SHLD2: variants seen among roughly 807,000 people sequenced by gnomAD.
SHLD2 encodes shieldin complex subunit 2.
Under a neutral mutation model 73.2 loss-of-function variants are expected in SHLD2, and 30 were observed. The ratio of observed to expected loss-of-function variants is 0.41; its 90% confidence interval spans 0.31 to 0.56. The LOEUF (loss-of-function observed/expected upper bound fraction) is 0.56, where lower values mean the gene tolerates loss of function less well. SHLD2 is among the 20% of genes least tolerant of loss of function. The probability of loss-of-function intolerance (pLI) is 0.28; values close to 1 mark genes in which losing one functional copy is unlikely to be tolerated. For synonymous variants in SHLD2, 285 were observed against 370.1 expected (o/e 0.77, Z 2.64); for missense variants, 745 against 1,055.9 (o/e 0.71, Z 4.08).
At chr10:87,188,999 CTTCT>C (rs1457516282) in intron 9 of SHLD2, among the ~76,000 whole-genome samples, 1 of 112,476 alleles carries the variant, frequency 8.9e-6, no homozygotes, top group Non-Finnish European at 1.7e-5. Flanking sequence ...AGTGTAATCT[CTTCT>C]TTTTTTTTTT....
chr10:87,104,375 C>A (rs1842462755), intron 2 of SHLD2, among the ~76,000 whole-genome samples: 1 of 151,730 alleles, frequency 6.6e-6, no homozygotes, highest in Non-Finnish European at 1.5e-5. Flanking sequence ...TGGTGAAACC[C>A]CATCTCTACA....
intron 8 of SHLD2, among the ~76,000 whole-genome samples, chr10:87,182,753 G>T (rs1336878566): frequency 2.6e-5 from 4 of 151,940 alleles, no homozygotes; most frequent in African/African-American, 9.7e-5. Flanking sequence ...GTAGGCTGGG[G>T]CTGCAGTCAT....
In SHLD2 at chr10:87,190,972, G is replaced by C. The variant is rs1849029953; in HGVS notation, c.*289G>C. ...TTAAAGGTTTGCCCATTTGTTCACT[G>C]TATTTAGTCCCTGCTACATTCCAGG... On this transcript the variant is annotated 3_prime_UTR_variant, in exon 10 of 10. Coordinates refer to ENST00000298786, the MANE Select transcript of SHLD2 (RefSeq NM_001330112.2). 4.4e-5 allele frequency: 19 copies of C among 435,776 alleles called. No individual in the cohort carries two copies. The South Asian group carries it at 4.4e-4, about 10-fold the overall frequency. 27.0% of individuals were successfully genotyped at this position (435,776 alleles called of 1,614,324 possible).
chr10:87,127,525 A>ATCCCTCCCCCCTC (rs1844095323), intron 2 of SHLD2, among the ~76,000 whole-genome samples: 1 of 29,002 alleles, frequency 3.4e-5, no homozygotes, highest in African/African-American at 2.4e-4. Context: ...TGTCCCTCTT[A>ATCCCTCCCCCCTC]CCCGCCCCCC....
chr10:87,168,061 C>T (rs893590433), intron 4 of SHLD2, among the ~76,000 whole-genome samples: 9 of 152,170 alleles, frequency 5.9e-5, no homozygotes, highest in Non-Finnish European at 1.2e-4. Flanking sequence ...CTGTTGAAAA[C>T]AGTTTGGGGT....
chr10:87,148,781 A>T (rs966170432), intron 2 of SHLD2, among the ~76,000 whole-genome samples: 1 of 152,160 alleles, frequency 6.6e-6, no homozygotes, highest in Non-Finnish European at 1.5e-5. Context: ...ACTAAAGGGA[A>T]GAAACCATTG....
chr10:87,188,040 A>T (rs1848727803), intron 9 of SHLD2, among the ~76,000 whole-genome samples: 1 of 152,164 alleles, frequency 6.6e-6, no homozygotes, highest in Admixed American at 6.5e-5. Flanking sequence ...GCCTCAGAGA[A>T]AGTTTCTTTC....
intron 2 of SHLD2, among the ~76,000 whole-genome samples, chr10:87,118,595 T>C (rs2476292): frequency 0.68 from 92,364 of 136,118 alleles, 32,219 homozygotes; most frequent in East Asian, 0.84. Context: ...TTTCACTTTC[T>C]TTTCTCTGGT....
intron 2 of SHLD2, among the ~76,000 whole-genome samples, chr10:87,129,831 A>T (rs1844301215): frequency 1.3e-5 from 2 of 151,792 alleles, no homozygotes; most frequent in East Asian, 3.9e-4. Flanking sequence ...TGTTGCCCAG[A>T]CTGGTCTCGA....
chr10:87,141,649 A>G (rs1200580467), intron 2 of SHLD2, among the ~76,000 whole-genome samples: 1 of 152,116 alleles, frequency 6.6e-6, no homozygotes, highest in Non-Finnish European at 1.5e-5. Flanking sequence ...GGGCTTTTGA[A>G]TGTTCTTTCA....
intron 2 of SHLD2, among the ~76,000 whole-genome samples, chr10:87,105,879 G>C (rs938475563): frequency 6.6e-6 from 1 of 152,208 alleles, no homozygotes; most frequent in Admixed American, 6.5e-5. Flanking sequence ...GGATTGGGTT[G>C]GTTACATGCC....
chr10:87,160,883 C>G (rs1455126669), intron 4 of SHLD2, among the ~76,000 whole-genome samples: 1 of 151,264 alleles, frequency 6.6e-6, no homozygotes, highest in Non-Finnish European at 1.5e-5. Context: ...CCCAGCTACT[C>G]AGGAGGCTGA....
At chr10:87,167,039 T>C (rs566792849) in intron 4 of SHLD2, among the ~76,000 whole-genome samples, 4 of 152,112 alleles carry the variant, frequency 2.6e-5, no homozygotes, top group African/African-American at 9.6e-5. Flanking sequence ...TATATGTTGA[T>C]AGAATAGAAG....
intron 4 of SHLD2, among the ~76,000 whole-genome samples, chr10:87,165,930 A>G (rs1847165370): frequency 1.3e-5 from 2 of 152,178 alleles, no homozygotes; most frequent in Admixed American, 6.5e-5. Flanking sequence ...AGTTTTTAAA[A>G]AAGCTGTATA....
chr10:87,112,138 T>C (rs1270099285), intron 2 of SHLD2, among the ~76,000 whole-genome samples: 1 of 149,612 alleles, frequency 6.7e-6, no homozygotes, highest in Admixed American at 6.7e-5. Context: ...CTCGGGAGGC[T>C]GAGGCAGGAG....
intron 2 of SHLD2, among the ~76,000 whole-genome samples, chr10:87,098,334 A>G (rs1564572995): frequency 6.6e-6 from 1 of 151,836 alleles, no homozygotes; most frequent in Non-Finnish European, 1.5e-5. Flanking sequence ...ACCAACATGG[A>G]GAAACCCCAT....
chr10:87,186,817 AAC>A lies in SHLD2; in HGVS notation c.2400-266_2400-265del, dbSNP rs1252388645. On this transcript the variant is annotated intron_variant, in intron 8 of 9. Transcript: ENST00000298786. ...TTTCATTTCTAAAAATAATTTATAA[AAC>A]AGTTTAATATATTTTTATATTAGTA... is the stretch of plus-strand genomic sequence containing the variant. Among the ~76,000 whole-genome samples the A allele has an allele frequency of 7.9e-5, 12 of 151,916 alleles. No homozygotes were observed. The East Asian group carries it at 2.1e-3, about 27-fold the overall frequency.
chr10:87,133,207 G>C (rs1197840930), intron 2 of SHLD2, among the ~76,000 whole-genome samples: 1 of 152,052 alleles, frequency 6.6e-6, no homozygotes, highest in Non-Finnish European at 1.5e-5. Context: ...AATTTTTTTA[G>C]TGTTTTGCTT....
At chr10:87,131,001 A>G (rs1844389105) in intron 2 of SHLD2, among the ~76,000 whole-genome samples, 1 of 152,062 alleles carries the variant, frequency 6.6e-6, no homozygotes, top group Admixed American at 6.6e-5. Context: ...TGGGATGTGG[A>G]GGTTGCAGCG....
Sources: gnomAD v4.1 joint callset for allele counts (sites outside exome capture counted in the v4.1 genomes callset) on GRCh38, gnomAD v4.1.1 for gene constraint, MANE v1.5 for transcripts, NCBI Gene and HGNC (gene_info 2026-07-23, HGNC 2026-07-21) for gene names.